CADM1: variants seen among roughly 807,000 people sequenced by gnomAD.
CADM1 encodes the protein cell adhesion molecule 1.
In CADM1, 15 loss-of-function variants were observed where a neutral mutation model predicts 53.1. The ratio of observed to expected loss-of-function variants is 0.28; its 90% CI spans 0.19 to 0.44. CADM1 has a LOEUF of 0.44. CADM1 is among the 20% of genes least tolerant of loss of function. CADM1 has a pLI of 1.00. For missense variants in CADM1, 434 were observed against 611.3 expected (o/e 0.71, Z 3.06); for synonymous variants, 281 against 243.0 (o/e 1.16, Z -1.45).
chr11:115,489,141 T>G (rs1949438707), intron 1 of CADM1, among the ~76,000 whole-genome samples: 1 of 152,200 alleles, frequency 6.6e-6, no homozygotes, highest in Non-Finnish European at 1.5e-5. Context: ...CCCAGGACTG[T>G]GAAGTGATTA....
At chr11:115,254,593 C>CACACACACAG (rs1491508599) in intron 1 of CADM1, among the ~76,000 whole-genome samples, 5 of 136,296 alleles carry the variant, frequency 3.7e-5, no homozygotes, top group African/African-American at 1.5e-4. Context: ...CACACACACA[C>CACACACACAG]AGAGACAACA....
At chr11:115,264,657 T>C (rs745566245) in intron 1 of CADM1, among the ~76,000 whole-genome samples, 1 of 152,232 alleles carries the variant, frequency 6.6e-6, no homozygotes, top group Non-Finnish European at 1.5e-5. Flanking sequence ...TCAACTTGTA[T>C]AAGCTTTGTG....
chr11:115,453,727 G>C, intron 1 of CADM1, among the ~76,000 whole-genome samples: 1 of 152,060 alleles, frequency 6.6e-6, no homozygotes, highest in East Asian at 1.9e-4. Flanking sequence ...TCAAACTCTT[G>C]AGCTCAAGTG....
At chr11:115,338,966 A>G (rs1249566128) in intron 1 of CADM1, among the ~76,000 whole-genome samples, 1 of 141,734 alleles carries the variant, frequency 7.1e-6, no homozygotes, top group Non-Finnish European at 1.5e-5. Flanking sequence ...ACATATGTAT[A>G]CATGTGCCAT....
Position 115,217,928 on chromosome 11 carries a change from G to A in CADM1, c.785C>T (p.Ala262Val), listed in dbSNP as rs1216125604. 31 of 1,613,492 alleles carry A rather than the reference G, an allele frequency of 1.9e-5. No individual in the cohort carries two copies. Among genetic ancestry groups the A allele is most frequent in the South Asian group, 4.4e-5 (4 of 91,080 alleles). The change falls in exon 6 of 12, where the codon GCG (alanine) becomes GTG (valine). Residue 262 changes from alanine (A) to valine (V), a missense_variant. Around this residue, in one of 4 missense-constraint regions of CADM1, gnomAD observed 311 missense variants for 435.1 expected, o/e 0.71. Coordinates refer to ENST00000331581, the MANE Select transcript of CADM1 (RefSeq NM_001301043.2). Reference protein sequence around the residue: ...PLQGLTREGDALELTCEAIGK... With the variant: ...PLQGLTREGDVLELTCEAIGK... ...GATGGCTTCACATGTTAACTCAAGC[G>A]CGTCCCCTTCCCGGGTTAAGCCTTG...
intron 1 of CADM1, among the ~76,000 whole-genome samples, chr11:115,254,048 T>G (rs573655277): frequency 6.6e-6 from 1 of 152,276 alleles, no homozygotes; most frequent in East Asian, 1.9e-4. Context: ...AATGAGATAA[T>G]CCACATATTT....
intron 1 of CADM1, among the ~76,000 whole-genome samples, chr11:115,433,501 C>T (rs1948107649): frequency 6.6e-6 from 1 of 152,128 alleles, no homozygotes; most frequent in Non-Finnish European, 1.5e-5. Flanking sequence ...CCGAAAACGG[C>T]ATGCCATAAA....
At chr11:115,229,420 G>A in intron 4 of CADM1, 149 bp from the exon 5 acceptor site, 2 of 741,782 alleles carry the variant, frequency 2.7e-6, no homozygotes, top group Non-Finnish European at 4.8e-6. Flanking sequence ...CCTGTGGATA[G>A]TTACCTGATA....
At chr11:115,470,703 T>G (rs2135390628) in intron 1 of CADM1, among the ~76,000 whole-genome samples, 2 of 152,320 alleles carry the variant, frequency 1.3e-5, no homozygotes, top group South Asian at 2.1e-4. Flanking sequence ...AATGATTTTT[T>G]TCTTTAAGTG....
intron 1 of CADM1, among the ~76,000 whole-genome samples, chr11:115,423,067 A>C (rs1270939419): frequency 6.6e-6 from 1 of 152,134 alleles, no homozygotes; most frequent in Non-Finnish European, 1.5e-5. Context: ...TTAATAGAGC[A>C]AAGACAAAAG....
chr11:115,250,250 C>A (rs1408134489), intron 1 of CADM1, among the ~76,000 whole-genome samples: 2 of 152,124 alleles, frequency 1.3e-5, no homozygotes, highest in Non-Finnish European at 2.9e-5. Context: ...TTCTTTACAA[C>A]CTCATCCTCA....
intron 5 of CADM1, among the ~76,000 whole-genome samples, chr11:115,222,445 C>T (rs368639551): frequency 1.3e-5 from 2 of 152,102 alleles, no homozygotes; most frequent in East Asian, 1.9e-4. Context: ...GGTGAATGAA[C>T]GGAGTCACAC....
In CADM1 at chr11:115,209,610, T is replaced by C. The variant is rs757558776; in HGVS notation, c.1042A>G (p.Thr348Ala). 2 of 1,510,304 alleles carry C rather than the reference T, an allele frequency of 1.3e-6. No homozygotes were observed. The highest frequency in any genetic ancestry group is 1.1e-5 in the South Asian group (1 of 88,662). 93.6% of individuals were successfully genotyped at this position (1,510,304 alleles called of 1,614,324 possible). The change falls in exon 8 of 12, where the codon ACC (threonine) becomes GCC (alanine). Residue 348 changes from threonine (T) to alanine (A), a missense_variant. This residue lies in a region of CADM1 where 311 missense variants were observed against 435.1 expected (regional missense o/e 0.71). Coordinates refer to ENST00000331581, the MANE Select transcript of CADM1 (RefSeq NM_001301043.2). The part of the protein sequence containing the change: ...PPPTTTTTTT[T>A]TTTTTILTII... Reference sequence around the variant, plus strand: ...GTAAGGATGGTGGTGGTGGTGGTGGTGGTGGTGGTGGTGGTTGTTGTGGGA... The same window carrying C: ...GTAAGGATGGTGGTGGTGGTGGTGGCGGTGGTGGTGGTGGTTGTTGTGGGA...
chr11:115,283,144 GTTT>G (rs1001447700), intron 1 of CADM1, among the ~76,000 whole-genome samples: 1 of 152,124 alleles, frequency 6.6e-6, no homozygotes, highest in Non-Finnish European at 1.5e-5. Flanking sequence ...GCTTCATATA[GTTT>G]TCTAAAATTA....
chr11:115,273,957 G>A (rs1351114716), intron 1 of CADM1, among the ~76,000 whole-genome samples: 1 of 152,268 alleles, frequency 6.6e-6, no homozygotes, highest in East Asian at 1.9e-4. Context: ...AATAGAAGTT[G>A]TGTTCTCTCC....
intron 1 of CADM1, among the ~76,000 whole-genome samples, chr11:115,280,893 C>A (rs753937926): frequency 3.3e-5 from 5 of 152,206 alleles, no homozygotes; most frequent in Non-Finnish European, 7.3e-5. Context: ...GAGAAGTGAC[C>A]TATCCTTAAT....
At chr11:115,394,360 C>A (rs1168828973) in intron 1 of CADM1, among the ~76,000 whole-genome samples, 1 of 152,106 alleles carries the variant, frequency 6.6e-6, no homozygotes, top group Admixed American at 6.5e-5. Flanking sequence ...ACATCAGAAG[C>A]AAGATGCTTG....
At chr11:115,339,141 C>T (rs1462773495) in intron 1 of CADM1, among the ~76,000 whole-genome samples, 2 of 145,222 alleles carry the variant, frequency 1.4e-5, no homozygotes, top group African/African-American at 5.1e-5. Context: ...TGAGAATATG[C>T]GGTGTTTGGT....
At chr11:115,268,522 C>T (rs1943208205) in intron 1 of CADM1, among the ~76,000 whole-genome samples, 1 of 152,172 alleles carries the variant, frequency 6.6e-6, no homozygotes, top group Admixed American at 6.5e-5. Flanking sequence ...TTCTCAGGCT[C>T]TGTGCTCAAT....
Sources: allele counts gnomAD v4.1 joint callset (sites outside exome capture counted in the v4.1 genomes callset), GRCh38; gene constraint gnomAD v4.1.1; regional missense constraint gnomAD v4.1.1; transcripts MANE v1.5; gene names NCBI Gene and HGNC (gene_info 2026-07-23, HGNC 2026-07-21).